The following DYRK4 variants were observed in gnomAD, a reference collection of about 807,000 sequenced individuals.
DYRK4 encodes the protein dual specificity tyrosine phosphorylation regulated kinase 4.
A neutral mutation model predicts 68.3 loss-of-function variants in DYRK4; 64 were observed. The ratio of observed to expected loss-of-function variants is 0.94; its 90% CI spans 0.77 to 1.15. The LOEUF (loss-of-function observed/expected upper bound fraction) is 1.15, where lower values mean the gene tolerates loss of function less well. DYRK4 is among the 50% of genes most tolerant of loss of function. The pLI is 0.00. For missense variants in DYRK4, 740 were observed against 764.7 expected (o/e 0.97, Z 0.38); for synonymous variants, 274 against 289.9 (o/e 0.95, Z 0.56).
At chr12:4,601,876 T>TGTGTGTG (rs1945084841) in intron 10 of DYRK4, 3 of 156,920 alleles carry the variant, frequency 1.9e-5, no homozygotes, top group African/African-American at 7.5e-5. Flanking sequence ...TCTGTAGGGT[T>TGTGTGTG]TGTGTGTGTG....
intron 1 of DYRK4, among the ~76,000 whole-genome samples, 175 bp from the exon 2 acceptor site, chr12:4,567,780 A>G (rs931997383): frequency 6.6e-6 from 1 of 152,064 alleles, no homozygotes; most frequent in Non-Finnish European, 1.5e-5. Flanking sequence ...TGACCTCCTG[A>G]CCTCATGTGA....
intron 2 of DYRK4, chr12:4,573,203 G>A: frequency 1.2e-5 from 9 of 726,726 alleles, no homozygotes; most frequent in South Asian, 4.8e-5. Context: ...AAATATAATC[G>A]TAAGCAGCCA....
intron 10 of DYRK4, 78 bp downstream of exon 10, chr12:4,599,866 T>C (rs1376508458): frequency 2.4e-6 from 3 of 1,254,644 alleles, no homozygotes; most frequent in African/African-American, 1.5e-5. Context: ...TCACCTGCCT[T>C]CTAGGCTGCG....
At chr12:4,593,214 G>A (rs756169882) in intron 6 of DYRK4, 49 bp downstream of exon 6, 3 of 1,592,410 alleles carry the variant, frequency 1.9e-6, no homozygotes, top group Non-Finnish European at 1.7e-6. Context: ...AGGGACAAGA[G>A]GTAGTCTAGA....
At chr12:4,571,693 A>C (rs1944732100) in intron 2 of DYRK4, among the ~76,000 whole-genome samples, 1 of 152,202 alleles carries the variant, frequency 6.6e-6, no homozygotes, top group South Asian at 2.1e-4. Flanking sequence ...ATATGTTTAT[A>C]TGTTAAAATA....
At chr12:4,597,253 C>A in intron 8 of DYRK4, 1 of 632,318 alleles carries the variant, frequency 1.6e-6, no homozygotes, top group Non-Finnish European at 2.0e-6. Flanking sequence ...ACAAGGCATG[C>A]TACTTTGATT....
Position 4,593,075 on chromosome 12 carries a change from G to T in DYRK4, c.537G>T (p.Trp179Cys), listed in dbSNP as rs775111536. Reference protein sequence around the residue: ...QSEILGYAELWFLGLEAKKLD... With the variant: ...QSEILGYAELCFLGLEAKKLD... Reference sequence around the variant, plus strand: ...AAATCCTGGGCTACGCGGAGCTGTGGTTCCTGGGTCTTGAAGCCAAGAAGC... The same window carrying T: ...AAATCCTGGGCTACGCGGAGCTGTGTTTCCTGGGTCTTGAAGCCAAGAAGC... Residue 179 changes from tryptophan to cysteine, a missense_variant, in exon 6 of 15, where the codon TGG (tryptophan) becomes TGT (cysteine). Physicochemically the swap from Trp to Cys is radical, Grantham distance 215. This residue lies in a region of DYRK4 where 614 missense variants were observed against 603.7 expected (regional missense o/e 1.02). Coordinates refer to ENST00000543431, the MANE Select transcript of DYRK4 (RefSeq NM_001394779.1). 1.2e-6 allele frequency: 2 copies of T among 1,614,168 alleles called. No individual in the cohort carries two copies. The highest frequency in any genetic ancestry group is 1.7e-6 in the Non-Finnish European group (2 of 1,180,042).
chr12:4,599,819 T>G lies in DYRK4; in HGVS notation c.1126+31T>G, dbSNP rs190171729. 6 of 1,592,784 alleles carry G rather than the reference T, an allele frequency of 3.8e-6. No individual in the cohort carries two copies. The Admixed American group carries it at 5.1e-5, about 13-fold the overall frequency. On this transcript the variant is annotated intron_variant, in intron 10 of 14. Coordinates refer to ENST00000543431, the MANE Select transcript of DYRK4 (RefSeq NM_001394779.1). ...CCCCATGTCAGTCCCATCATCTGAG[T>G]TTTCCTATTGCAATTTCTCTCCCTT...
At chr12:4,604,819 G>A in intron 10 of DYRK4, 95 bp from the exon 11 acceptor site, 5 of 1,406,028 alleles carry the variant, frequency 3.6e-6, no homozygotes, top group Non-Finnish European at 4.7e-6. Context: ...CACTGCCAGC[G>A]GGGGCGCAGT....
rs910864161 is a variant in DYRK4, at chr12:4,599,723, A to G, written c.1061A>G (p.Tyr354Cys). The G allele has an allele frequency of 1.9e-6, 3 of 1,613,872 alleles. No individual in the cohort carries two copies. The Admixed American group carries it at 5.0e-5, about 27-fold the overall frequency. The change falls in exon 10 of 15, where the codon TAC (tyrosine) becomes TGC (cysteine). Residue 354 changes from tyrosine to cysteine, a missense_variant. Tyr to Cys is a radical substitution (Grantham distance 194). Around this residue, in one of 3 missense-constraint regions of DYRK4, gnomAD observed 614 missense variants for 603.7 expected, o/e 1.02. Transcript: ENST00000543431. ...TCTCTCTAGGAAAATATAGTGCTATACCAAAAGGGCCAAGCCTCTGTTAAA... is the reference window on the plus strand; with the variant it reads ...TCTCTCTAGGAAAATATAGTGCTATGCCAAAAGGGCCAAGCCTCTGTTAAA... ...CDLKPENIVL[Y>C]QKGQASVKVI...
intron 2 of DYRK4, chr12:4,573,209 A>T: frequency 1.3e-6 from 1 of 767,978 alleles, no homozygotes; most frequent in Non-Finnish European, 1.9e-6. Context: ...AATCGTAAGC[A>T]GCCAATCTAG....
chr12:4,563,891 G>A (rs1944652675), intron 1 of DYRK4, among the ~76,000 whole-genome samples: 1 of 152,212 alleles, frequency 6.6e-6, no homozygotes, highest in South Asian at 2.1e-4. Context: ...GAAATATCAA[G>A]TACCAACCCT....
At chr12:4,572,833 C>G (rs1944746389) in intron 2 of DYRK4, 1 of 158,794 alleles carries the variant, frequency 6.3e-6, no homozygotes, top group Non-Finnish European at 1.4e-5. Context: ...CCCTCTGTCT[C>G]TCCATTTAAC....
intron 7 of DYRK4, 113 bp downstream of exon 7, chr12:4,596,398 C>T: frequency 6.5e-7 from 1 of 1,548,834 alleles, no homozygotes; most frequent in Non-Finnish European, 8.7e-7. Context: ...CTTTTGTCTT[C>T]CCTTTTCTCT....
chr12:4,562,250 A>G lies in DYRK4; in HGVS notation c.5A>G (p.Gln2Arg), dbSNP rs1054641954. Residue 2 changes from glutamine to arginine, a missense_variant, in exon 1 of 15, where the codon CAG (glutamine) becomes CGG (arginine). Physicochemically the swap from Gln to Arg is conservative, Grantham distance 43. Coordinates refer to ENST00000543431, the MANE Select transcript of DYRK4 (RefSeq NM_001394779.1). M[Q>R]LLPPPIRTGT... ...CGGGCGGTCAGCGCCGGCCTCATGC[A>G]GCTCCTCCCGCCGCCTATCCGCACC... is the stretch of plus-strand genomic sequence containing the variant. 6 of 1,531,802 alleles carry G rather than the reference A, an allele frequency of 3.9e-6. No homozygotes were observed. In the Admixed American group the frequency reaches 9.9e-5, roughly 25 times the overall value. 94.9% of individuals were successfully genotyped at this position (1,531,802 alleles called of 1,614,324 possible).
intron 11 of DYRK4, among the ~76,000 whole-genome samples, chr12:4,606,293 G>GCTATCTATCTGT (rs1945149313): frequency 6.6e-6 from 1 of 151,034 alleles, no homozygotes; most frequent in Non-Finnish European, 1.5e-5. Flanking sequence ...TGGCTGGCTG[G>GCTATCTATCTGT]CTATCTATCT....
chr12:4,601,732 G>A (rs543889400), intron 10 of DYRK4, among the ~76,000 whole-genome samples: 4 of 151,910 alleles, frequency 2.6e-5, no homozygotes, highest in African/African-American at 9.7e-5. Flanking sequence ...TTTTTAGTAA[G>A]GATATGGATG....
intron 2 of DYRK4, 83 bp from the exon 3 acceptor site, chr12:4,588,850 AGTTT>A: frequency 7.6e-7 from 1 of 1,315,558 alleles, no homozygotes; most frequent in Non-Finnish European, 1.1e-6. Context: ...CCTCAAGCAT[AGTTT>A]GTTTATTGTA....
intron 11 of DYRK4, among the ~76,000 whole-genome samples, chr12:4,605,605 G>A (rs1480663206): frequency 1.3e-5 from 2 of 151,842 alleles, no homozygotes. Flanking sequence ...AGCCTCATGT[G>A]TAAAAATTTC....
Sources: allele counts gnomAD v4.1 joint callset (sites outside exome capture counted in the v4.1 genomes callset), GRCh38; gene constraint gnomAD v4.1.1; regional missense constraint gnomAD v4.1.1; transcripts MANE v1.5; gene names NCBI Gene and HGNC (gene_info 2026-07-23, HGNC 2026-07-21).